The following ADTRP variants were observed in gnomAD, a reference collection of about 807,000 sequenced individuals.
ADTRP encodes androgen-dependent TFPI-regulating protein.
ADTRP carries 20 observed loss-of-function variants against 27.0 expected under a neutral mutation model. That is an observed-to-expected ratio of 0.74 (90% CI 0.52 to 1.08). ADTRP has a LOEUF of 1.08. Among genes scored for constraint, ADTRP ranks in the 50% least tolerant of loss-of-function variants. The pLI, the probability that ADTRP is intolerant of heterozygous loss-of-function variation, is 0.00. For synonymous variants in ADTRP, 101 were observed against 105.2 expected (o/e 0.96, Z 0.25); for missense variants, 251 against 275.0 (o/e 0.91, Z 0.62).
chr6:11,725,855 G>A (rs1461966876), intron 4 of ADTRP, among the ~76,000 whole-genome samples: 7 of 140,086 alleles, frequency 5.0e-5, no homozygotes, highest in African/African-American at 1.1e-4. Flanking sequence ...ATTGGAGATC[G>A]CGCCACTGCA....
chr6:11,719,387 G>A (rs1323901528), intron 5 of ADTRP, among the ~76,000 whole-genome samples: 2 of 152,224 alleles, frequency 1.3e-5, no homozygotes, highest in Non-Finnish European at 2.9e-5. Context: ...TGTAACAGCG[G>A]TTCCGGATCC....
intron 3 of ADTRP, among the ~76,000 whole-genome samples, chr6:11,754,511 G>T (rs2235405): frequency 0.32 from 48,582 of 152,064 alleles, 9,317 homozygotes; most frequent in East Asian, 0.66. Flanking sequence ...TCCACGTGAC[G>T]GACGTGTAAT....
chr6:11,715,239 G>T (rs765520857), intron 5 of ADTRP, among the ~76,000 whole-genome samples: 2 of 152,086 alleles, frequency 1.3e-5, no homozygotes, highest in Non-Finnish European at 2.9e-5. Flanking sequence ...GTTCTGGCTT[G>T]GTATTCCTGC....
chr6:11,768,371 T>G lies in ADTRP; in HGVS notation c.166A>C (p.Ile56Leu), dbSNP rs1561774026. Residue 56 changes from isoleucine to leucine, a missense_variant, in exon 2 of 6, where the codon ATT (isoleucine) becomes CTT (leucine). Transcript: ENST00000414691. ...MTLLNLLLQT[I>L]FYGVTCLDDV... ...TCCAGGCAGGTGACCCCGTAGAAAA[T>G]GGTCTGCAAGAGCTAAATCCATTAC... 1 of 1,614,148 alleles carries G rather than the reference T, an allele frequency of 6.2e-7. No individual in the cohort carries two copies.
chr6:11,735,556 T>C lies in ADTRP; in HGVS notation c.506+12A>G, dbSNP rs755412478. Reference sequence around the variant, plus strand: ...GACAAGCCTAAGTTGACTTTCTCCATGTAATTCTTACCGGCTGATGTAAGC... The same window carrying C: ...GACAAGCCTAAGTTGACTTTCTCCACGTAATTCTTACCGGCTGATGTAAGC... On this transcript the variant is annotated intron_variant, in intron 4 of 5. Transcript: ENST00000414691. 15 of 1,598,386 alleles carry C rather than the reference T, an allele frequency of 9.4e-6. No individual in the cohort carries two copies. Among genetic ancestry groups the C allele is most frequent in the Middle Eastern group, 1.7e-4 (1 of 6,060 alleles).
intron 3 of ADTRP, chr6:11,755,251 T>C (rs1438842308): frequency 4.9e-6 from 1 of 205,816 alleles, no homozygotes; most frequent in East Asian, 1.9e-4. Context: ...ATTGAGAAAT[T>C]AGAATTTTTT....
At chr6:11,729,297 G>T (rs983149667) in intron 4 of ADTRP, among the ~76,000 whole-genome samples, 1 of 152,138 alleles carries the variant, frequency 6.6e-6, no homozygotes, top group East Asian at 1.9e-4. Context: ...AGTTTACCTA[G>T]ATGTTGAGGT....
At chr6:11,762,239 A>C (rs1160549092) in intron 3 of ADTRP, among the ~76,000 whole-genome samples, 1 of 152,228 alleles carries the variant, frequency 6.6e-6, no homozygotes, top group Admixed American at 6.5e-5. Context: ...TCAGGCCAGG[A>C]CAGGTAGGGC....
chr6:11,723,521 TG>T, intron 4 of ADTRP, 21 bp from the exon 5 acceptor site: 1 of 1,612,914 alleles, frequency 6.2e-7, no homozygotes. Flanking sequence ...TAAGAAGTCG[TG>T]GTGGTTATAG....
chr6:11,768,782 G>T (rs138709508), intron 1 of ADTRP, among the ~76,000 whole-genome samples: 8 of 152,208 alleles, frequency 5.3e-5, no homozygotes, highest in African/African-American at 1.9e-4. Context: ...AGTCTTCCTG[G>T]GAAGGAAAAT....
intron 4 of ADTRP, among the ~76,000 whole-genome samples, chr6:11,729,713 G>A (rs753265302): frequency 5.9e-5 from 9 of 152,120 alleles, no homozygotes; most frequent in Non-Finnish European, 1.2e-4. Flanking sequence ...TGACTTGAGG[G>A]CCTTAAAAAT....
At chr6:11,746,115 A>G (rs996332215) in intron 3 of ADTRP, among the ~76,000 whole-genome samples, 1 of 152,158 alleles carries the variant, frequency 6.6e-6, no homozygotes, top group African/African-American at 2.4e-5. Flanking sequence ...CTTGCTAAGA[A>G]TCCAAGAGCA....
At chr6:11,756,032 T>C (rs749374025) in intron 3 of ADTRP, among the ~76,000 whole-genome samples, 2 of 152,214 alleles carry the variant, frequency 1.3e-5, no homozygotes, top group African/African-American at 2.4e-5. Context: ...TGTTTTCTCT[T>C]TCTCATGTAG....
chr6:11,764,813 T>C (rs1242011969), intron 3 of ADTRP, among the ~76,000 whole-genome samples: 2 of 150,312 alleles, frequency 1.3e-5, no homozygotes, highest in African/African-American at 4.9e-5. Context: ...AGGATTATAG[T>C]AGTTCTCTAA....
chr6:11,737,022 C>T (rs963801105), intron 3 of ADTRP, among the ~76,000 whole-genome samples: 2 of 151,984 alleles, frequency 1.3e-5, no homozygotes, highest in Admixed American at 1.3e-4. Context: ...ATGACATAAT[C>T]AAGGAAATAA....
chr6:11,777,684 A>C (rs1035698525), intron 1 of ADTRP, among the ~76,000 whole-genome samples: 23 of 152,220 alleles, frequency 1.5e-4, no homozygotes, highest in African/African-American at 5.1e-4. Flanking sequence ...GTGAGGAGGA[A>C]GCAGCCACTT....
intron 1 of ADTRP, among the ~76,000 whole-genome samples, chr6:11,772,843 T>C (rs1014921449): frequency 6.6e-6 from 1 of 152,048 alleles, no homozygotes; most frequent in Non-Finnish European, 1.5e-5. Flanking sequence ...GAAACTGAGA[T>C]TAAAGGATGC....
intron 3 of ADTRP, among the ~76,000 whole-genome samples, chr6:11,763,900 G>C (rs1269019342): frequency 6.6e-6 from 1 of 152,192 alleles, no homozygotes; most frequent in African/African-American, 2.4e-5. Context: ...GACACCTGAG[G>C]CCAATTTTGC....
At position 11,764,597 on chromosome 6, in the gene ADTRP, C is replaced by T. The variant is rs573477107; in HGVS notation, c.390+1677G>A. ...ACTTTGCTGTATTGATCAAGCAAAG[C>T]GAGGTCCTTTTGATTGCCTGGTGAA... is the stretch of plus-strand genomic sequence containing the variant. On this transcript the variant is annotated intron_variant, in intron 3 of 5. Transcript: ENST00000414691. 1.5e-4 allele frequency among the ~76,000 whole-genome samples: 22 copies of T among 150,908 alleles called. 1 individual carries two copies. The South Asian group carries it at 2.3e-3, about 16-fold the overall frequency.
Sources: gnomAD v4.1 joint callset for allele counts (sites outside exome capture counted in the v4.1 genomes callset) on GRCh38, gnomAD v4.1.1 for gene constraint, MANE v1.5 for transcripts, NCBI Gene and HGNC (gene_info 2026-07-23, HGNC 2026-07-21) for gene names.